Variants in CMIP observed in about 807,000 individuals in gnomAD.
CMIP encodes the protein C-Maf-inducing protein.
In CMIP, 13 loss-of-function variants were observed where a neutral mutation model predicts 97.3. That is an observed-to-expected ratio of 0.13 (90% CI 0.09 to 0.21). The LOEUF (loss-of-function observed/expected upper bound fraction) is 0.21. Among genes scored for constraint, CMIP ranks in the 10% least tolerant of loss-of-function variants. The pLI, the probability that CMIP is intolerant of heterozygous loss-of-function variation, is 1.00. For synonymous variants in CMIP, 538 were observed against 436.3 expected (o/e 1.23, Z -2.91); for missense variants, 847 against 1,024.9 (o/e 0.83, Z 2.37).
intron 1 of CMIP, among the ~76,000 whole-genome samples, chr16:81,498,306 G>C (rs973145877): frequency 2.0e-5 from 3 of 152,242 alleles, no homozygotes; most frequent in Admixed American, 2.0e-4. Context: ...CCTCCCTTGG[G>C]CACATTCTCT....
intron 12 of CMIP, 38 bp downstream of exon 12, chr16:81,693,222 C>G: frequency 6.3e-7 from 1 of 1,592,082 alleles, no homozygotes; most frequent in Non-Finnish European, 8.6e-7. Context: ...CATTCTGGCA[C>G]GCACGGCCTC....
intron 1 of CMIP, among the ~76,000 whole-genome samples, chr16:81,483,097 C>T (rs186747400): frequency 2.6e-5 from 4 of 152,240 alleles, no homozygotes; most frequent in African/African-American, 4.8e-5. Flanking sequence ...AACCATCAGA[C>T]GAGGGAGGAC....
At position 81,592,500 on chromosome 16, in the gene CMIP, C is replaced by T. The variant is rs144297535; in HGVS notation, c.301-15067C>T. On this transcript the variant is annotated intron_variant, in intron 1 of 20. Coordinates refer to ENST00000537098, the MANE Select transcript of CMIP (RefSeq NM_198390.3). ...TCCCTCCTGTCCTTGCCCTTTGTACCGGACCCTCCTCCTTCCTCCTGCGGT... is the reference window on the plus strand; with the variant it reads ...TCCCTCCTGTCCTTGCCCTTTGTACTGGACCCTCCTCCTTCCTCCTGCGGT... Among the ~76,000 whole-genome samples, 51 of 152,290 alleles carry T rather than the reference C, an allele frequency of 3.3e-4. No homozygotes were observed. In the East Asian group the frequency reaches 8.7e-3, roughly 26 times the overall value.
chr16:81,680,832 TC>T (rs1195846381), intron 10 of CMIP, among the ~76,000 whole-genome samples: 2 of 152,216 alleles, frequency 1.3e-5, no homozygotes, highest in Non-Finnish European at 2.9e-5. Context: ...ACTCCCCAGT[TC>T]CAGCTGGTTT....
intron 14 of CMIP, chr16:81,697,211 C>A (rs1906833814): frequency 1.9e-5 from 3 of 160,690 alleles, no homozygotes; most frequent in South Asian, 1.7e-4. Context: ...TCCGGCACTT[C>A]ATATGCACTA....
intron 3 of CMIP, among the ~76,000 whole-genome samples, chr16:81,626,667 CTA>C (rs1290621704): frequency 2.3e-5 from 3 of 128,264 alleles, no homozygotes; most frequent in South Asian, 2.7e-4. Flanking sequence ...TGTGGGGTGA[CTA>C]TTTGTGTGTA....
chr16:81,650,333 G>T (rs1258672459), intron 3 of CMIP, among the ~76,000 whole-genome samples: 1 of 152,154 alleles, frequency 6.6e-6, no homozygotes, highest in Admixed American at 6.5e-5. Flanking sequence ...TTCTTGATGT[G>T]CAATGGGTGA....
chr16:81,531,495 C>T lies in CMIP; in HGVS notation c.301-76072C>T, dbSNP rs147447708. ...TGCCCTCAGTCCAGTCTCGATTCTA[C>T]GACCCTACCCGTGTTTTGTTTTTCA... is the stretch of plus-strand genomic sequence containing the variant. On this transcript the variant is annotated intron_variant, in intron 1 of 20. Transcript: ENST00000537098. Among the ~76,000 whole-genome samples, 37 of 152,330 alleles carry T rather than the reference C, an allele frequency of 2.4e-4. 1 individual carries two copies. In the East Asian group the frequency reaches 6.6e-3, roughly 27 times the overall value.
At chr16:81,449,666 A>AT (rs781671497) in intron 1 of CMIP, among the ~76,000 whole-genome samples, 1 of 98,382 alleles carries the variant, frequency 1.0e-5, no homozygotes, top group African/African-American at 5.9e-5. Flanking sequence ...AAACACACAG[A>AT]TTTCCCCCCC....
At chr16:81,549,781 T>C (rs1208649683) in intron 1 of CMIP, among the ~76,000 whole-genome samples, 3 of 152,164 alleles carry the variant, frequency 2.0e-5, no homozygotes, top group Non-Finnish European at 4.4e-5. Flanking sequence ...TGCTGGCTGG[T>C]TCCTCTGAAG....
chr16:81,445,119 C>T lies in CMIP; in HGVS notation c.-123C>T, dbSNP rs1312069322. The stretch of plus-strand genomic sequence containing the variant: ...CCCTCCCCTGCGGGCGCCCCCAGCC[C>T]CACACCCCCCCACCTTCCCGGGGGG... On this transcript the variant is annotated 5_prime_UTR_variant, in exon 1 of 21. Coordinates refer to ENST00000537098, the MANE Select transcript of CMIP (RefSeq NM_198390.3). The T allele has an allele frequency of 1.2e-5, 5 of 420,808 alleles. No individual in the cohort carries two copies. In the Admixed American group the frequency reaches 1.9e-4, roughly 16 times the overall value. 26.1% of individuals were successfully genotyped at this position (420,808 alleles called of 1,614,324 possible). A position where few individuals can be genotyped will look rare whatever the true frequency, so the allele number is the denominator to read the frequency against.
At chr16:81,531,721 C>G (rs1205211868) in intron 1 of CMIP, among the ~76,000 whole-genome samples, 1 of 152,230 alleles carries the variant, frequency 6.6e-6, no homozygotes, top group Non-Finnish European at 1.5e-5. Flanking sequence ...TCCAAGTTAA[C>G]TGCTTTCAAG....
intron 1 of CMIP, among the ~76,000 whole-genome samples, chr16:81,498,681 A>G (rs530168661): frequency 2.0e-5 from 3 of 152,084 alleles, no homozygotes; most frequent in Admixed American, 6.5e-5. Flanking sequence ...CATACACCCC[A>G]TGGTCCTTGA....
intron 3 of CMIP, among the ~76,000 whole-genome samples, chr16:81,636,142 G>A (rs181944482): frequency 6.6e-5 from 10 of 151,864 alleles, no homozygotes; most frequent in Admixed American, 2.0e-4. Flanking sequence ...ACAGGTGTGC[G>A]GGCCATGAGC....
intron 15 of CMIP, 45 bp from the exon 16 acceptor site, chr16:81,701,615 G>A (rs1907416066): frequency 1.2e-6 from 2 of 1,613,132 alleles, no homozygotes; most frequent in South Asian, 1.1e-5. Context: ...TGCTGAGCTA[G>A]GGTGGCAGGC....
At chr16:81,530,743 C>T (rs1164592751) in intron 1 of CMIP, among the ~76,000 whole-genome samples, 2 of 152,150 alleles carry the variant, frequency 1.3e-5, no homozygotes, top group African/African-American at 4.8e-5. Flanking sequence ...GTCAGAGCTT[C>T]GAGCCTCCTC....
At chr16:81,657,680 A>C in intron 4 of CMIP, 95 bp from the exon 5 acceptor site, 1 of 1,017,324 alleles carries the variant, frequency 9.8e-7, no homozygotes, top group Non-Finnish European at 1.5e-6. Flanking sequence ...GACGCTGAAG[A>C]TGTTTCAAAA....
At chr16:81,603,515 C>T (rs1356713898) in intron 1 of CMIP, 1 of 448,622 alleles carries the variant, frequency 2.2e-6, no homozygotes, top group South Asian at 1.6e-5. Flanking sequence ...CTGTGGGCTG[C>T]GTTTGTCACA....
intron 1 of CMIP, among the ~76,000 whole-genome samples, chr16:81,568,467 G>GC (rs1476830969): frequency 2.0e-5 from 3 of 152,190 alleles, no homozygotes; most frequent in Non-Finnish European, 2.9e-5. Context: ...GGGGCCCCGG[G>GC]CAAGGGCACC....
Sources: allele counts gnomAD v4.1 joint callset (sites outside exome capture counted in the v4.1 genomes callset), GRCh38; gene constraint gnomAD v4.1.1; transcripts MANE v1.5; gene names NCBI Gene and HGNC (gene_info 2026-07-23, HGNC 2026-07-21).